GALNT13: variants seen among roughly 807,000 people sequenced by gnomAD.
GALNT13 encodes the protein UDP-GalNAc:polypeptide N-acetylgalactosaminyltransferase 13.
A neutral mutation model predicts 64.2 loss-of-function variants in GALNT13; 28 were observed. The observed-to-expected ratio is 0.44, with a 90% CI of 0.32 to 0.60. The LOEUF is 0.60. Among genes scored for constraint, GALNT13 ranks in the 20% least tolerant of loss-of-function variants. The pLI, the probability that GALNT13 is intolerant of heterozygous loss-of-function variation, is 0.05. For synonymous variants in GALNT13, 214 were observed against 224.6 expected (o/e 0.95, Z 0.42); for missense variants, 577 against 669.8 (o/e 0.86, Z 1.53).
At chr2:153,312,124 G>A in the GALNT13 span, among the ~76,000 whole-genome samples, 1 of 152,250 alleles carries the variant, frequency 6.6e-6, no homozygotes, top group South Asian at 2.1e-4. Flanking sequence ...TCAGGTTTAT[G>A]TCATTATTAA....
the GALNT13 span, among the ~76,000 whole-genome samples, chr2:153,539,990 C>T: frequency 4.3e-4 from 66 of 152,332 alleles, no homozygotes; most frequent in Non-Finnish European, 7.1e-4. Context: ...TTCAAGCCAG[C>T]TGCAGAAACG....
chr2:154,384,713 G>A (rs1312293579), intron 9 of GALNT13, among the ~76,000 whole-genome samples: 2 of 151,836 alleles, frequency 1.3e-5, no homozygotes, highest in African/African-American at 2.4e-5. Context: ...ATTAACTGAT[G>A]TTCATGTGTT....
At chr2:153,771,838 A>T in the GALNT13 span, among the ~76,000 whole-genome samples, 4 of 152,146 alleles carry the variant, frequency 2.6e-5, no homozygotes, top group African/African-American at 9.7e-5. Context: ...CCTGGGTGTG[A>T]GGTGGAGAGA....
chr2:153,269,748 C>A, the GALNT13 span, among the ~76,000 whole-genome samples: 4 of 151,970 alleles, frequency 2.6e-5, no homozygotes, highest in East Asian at 7.7e-4. Context: ...TTCTTCATGG[C>A]TCAGGGGGCC....
chr2:153,513,019 G>A, the GALNT13 span, among the ~76,000 whole-genome samples: 1 of 152,178 alleles, frequency 6.6e-6, no homozygotes, highest in Non-Finnish European at 1.5e-5. Context: ...AAAAGAAATT[G>A]TAAATAAGGG....
chr2:154,179,885 A>G (rs903704227), intron 4 of GALNT13, among the ~76,000 whole-genome samples: 2 of 151,550 alleles, frequency 1.3e-5, no homozygotes, highest in Admixed American at 1.3e-4. Context: ...ACATGATTCT[A>G]TTTGTTACTT....
At chr2:153,807,349 T>A in the GALNT13 span, among the ~76,000 whole-genome samples, 8 of 152,042 alleles carry the variant, frequency 5.3e-5, no homozygotes, top group African/African-American at 1.4e-4. Flanking sequence ...TATTATCCTT[T>A]GACTTCCTTT....
intron 1 of GALNT13, among the ~76,000 whole-genome samples, chr2:153,878,911 G>C (rs1265461831): frequency 6.6e-6 from 1 of 152,170 alleles, no homozygotes; most frequent in Non-Finnish European, 1.5e-5. Flanking sequence ...ATTGACCTAA[G>C]ACATTAGTTT....
At chr2:153,422,646 TAAGAG>T in the GALNT13 span, among the ~76,000 whole-genome samples, 1 of 135,344 alleles carries the variant, frequency 7.4e-6, no homozygotes, top group East Asian at 1.9e-4. Context: ...GGCAGATTAA[TAAGAG>T]AGAGAGGCTT....
the GALNT13 span, among the ~76,000 whole-genome samples, chr2:153,846,495 T>C: frequency 3.9e-5 from 6 of 152,028 alleles, no homozygotes; most frequent in East Asian, 1.2e-3. Context: ...GGCGAACAAG[T>C]TGGGGGACTT....
At chr2:154,455,810 A>C (rs1702025248), downstream of GALNT13, among the ~76,000 whole-genome samples, 1 of 152,196 alleles carries the variant, frequency 6.6e-6, no homozygotes, top group Admixed American at 6.5e-5. Flanking sequence ...ATCCCTCTGA[A>C]ATACTGGTGA....
chr2:153,247,033 G>A, the GALNT13 span, among the ~76,000 whole-genome samples: 1 of 151,918 alleles, frequency 6.6e-6, no homozygotes, highest in African/African-American at 2.4e-5. Flanking sequence ...AACCAACAAA[G>A]ATCAAAAAAT....
At chr2:153,593,585 T>C in the GALNT13 span, among the ~76,000 whole-genome samples, 1 of 152,176 alleles carries the variant, frequency 6.6e-6, no homozygotes, top group Admixed American at 6.5e-5. Context: ...CTCAACAAAC[T>C]TGTTCATTTG....
the GALNT13 span, among the ~76,000 whole-genome samples, chr2:153,236,256 A>G: frequency 7.2e-5 from 11 of 152,176 alleles, no homozygotes; most frequent in African/African-American, 2.7e-4. Context: ...GAAGCAGCAA[A>G]TGCTGACATA....
At chr2:153,625,751 C>G in the GALNT13 span, among the ~76,000 whole-genome samples, 1 of 151,284 alleles carries the variant, frequency 6.6e-6, no homozygotes, top group African/African-American at 2.4e-5. Flanking sequence ...TTCCTGTTCT[C>G]TGCCATAAGA....
the GALNT13 span, among the ~76,000 whole-genome samples, chr2:153,460,749 A>G: frequency 6.6e-6 from 1 of 152,164 alleles, no homozygotes; most frequent in Non-Finnish European, 1.5e-5. Context: ...GTGCTGACTA[A>G]ATAGAATGCA....
intron 3 of GALNT13, among the ~76,000 whole-genome samples, chr2:154,097,259 C>A (rs952314611): frequency 3.3e-5 from 5 of 151,922 alleles, no homozygotes; most frequent in African/African-American, 4.8e-5. Context: ...TCGCTTAATT[C>A]ATAATCTAGT....
intron 4 of GALNT13, among the ~76,000 whole-genome samples, chr2:154,202,257 C>G (rs1241262167): frequency 6.6e-6 from 1 of 151,878 alleles, no homozygotes; most frequent in African/African-American, 2.4e-5. Context: ...CAGGAAAACC[C>G]CTGTAAGGTA....
the GALNT13 span, among the ~76,000 whole-genome samples, chr2:153,269,515 T>C: frequency 6.6e-6 from 1 of 152,184 alleles, no homozygotes; most frequent in Non-Finnish European, 1.5e-5. Flanking sequence ...TCTAGGAAAA[T>C]CCAAACTTTC....
Sources: gnomAD v4.1 joint callset for allele counts (sites outside exome capture counted in the v4.1 genomes callset) on GRCh38, gnomAD v4.1.1 for gene constraint, MANE v1.5 for transcripts, NCBI Gene and HGNC (gene_info 2026-07-23, HGNC 2026-07-21) for gene names.